GAN: variants seen among roughly 807,000 people sequenced by gnomAD.
The protein encoded by GAN is epididymis secretory sperm binding protein.
GAN carries 48 observed loss-of-function variants against 71.3 expected under a neutral mutation model. The observed-to-expected ratio is 0.67, with a 90% CI of 0.53 to 0.86. GAN has a LOEUF of 0.86. GAN is among the 40% of genes least tolerant of loss of function. The pLI is 0.00. For synonymous variants in GAN, 386 were observed against 276.8 expected (o/e 1.39, Z -3.92); for missense variants, 928 against 770.1 (o/e 1.21, Z -2.43).
chr16:81,379,492 G>A lies in GAN; in HGVS notation c.*1896G>A, dbSNP rs886087416. 3.9e-5 allele frequency: 6 copies of A among 152,212 alleles called. No individual in the cohort carries two copies. Among genetic ancestry groups the A allele is most frequent in the African/African-American group, 1.4e-4 (6 of 41,454 alleles). The allele number at this position is 152,212 out of a possible 1,614,324, so 9.4% of individuals were successfully genotyped here. On this transcript the variant is annotated 3_prime_UTR_variant, in exon 11 of 11. Transcript: ENST00000648994. ...GTCAGTCAAAACCAAATTCAGAATT[G>A]TTTTGTGTACCAGTCAGCTGTTGTC...
At position 81,378,883 on chromosome 16, in the gene GAN, G is replaced by T. The variant is rs554187855; in HGVS notation, c.*1287G>T. 5.9e-5 allele frequency: 9 copies of T among 152,644 alleles called. No homozygotes were observed. In the South Asian group the frequency reaches 1.9e-3, roughly 32 times the overall value. 9.5% of individuals were successfully genotyped at this position (152,644 alleles called of 1,614,324 possible). ...GTCTTTCGTTCGTGGAACGTATCTT[G>T]TAAGATATTTTGTTTTCCACTTGAA... On this transcript the variant is annotated 3_prime_UTR_variant, in exon 11 of 11. Transcript: ENST00000648994.
At chr16:81,345,416 A>G (rs1013116145) in intron 1 of GAN, among the ~76,000 whole-genome samples, 2 of 152,230 alleles carry the variant, frequency 1.3e-5, no homozygotes, top group Non-Finnish European at 2.9e-5. Context: ...CTATGCAGCC[A>G]TAAAAAAGGA....
chr16:81,341,141 A>G (rs1024378908), intron 1 of GAN, among the ~76,000 whole-genome samples: 1 of 152,186 alleles, frequency 6.6e-6, no homozygotes, highest in African/African-American at 2.4e-5. Flanking sequence ...ATATGGGACT[A>G]TGTGAAAAGA....
chr16:81,377,659 G>T lies in GAN; in HGVS notation c.*63G>T. 1 of 1,433,662 alleles carries T rather than the reference G, an allele frequency of 7.0e-7. No individual in the cohort carries two copies. The highest frequency in any genetic ancestry group is 1.1e-5 in the South Asian group (1 of 87,182). The allele number at this position is 1,433,662 out of a possible 1,614,324, so 88.8% of individuals were successfully genotyped here. ...AGCACCATAACATAGCTCCGAAAGG[G>T]AGAGCAGAGATGGCAGCTGAAACTC... On this transcript the variant is annotated 3_prime_UTR_variant, in exon 11 of 11. Coordinates refer to ENST00000648994, the MANE Select transcript of GAN (RefSeq NM_022041.4).
At chr16:81,375,956 AGAGTAAGACC>A (rs1266431873) in intron 9 of GAN, among the ~76,000 whole-genome samples, 1 of 149,260 alleles carries the variant, frequency 6.7e-6, no homozygotes. Flanking sequence ...GATGAGTGAC[AGAGTAAGACC>A]CTGTCTCAAA....
rs1303871857 is a variant in GAN, at chr16:81,389,079, T to C, written c.*11483T>C. On this transcript the variant is annotated 3_prime_UTR_variant, in exon 11 of 11. Coordinates refer to ENST00000648994, the MANE Select transcript of GAN (RefSeq NM_022041.4). ...ATTTGTGTGGGTGATAACATCTTTT[T>C]CCTAGATCGTACCTCAAAATTCAGG... is the stretch of plus-strand genomic sequence containing the variant. The C allele has an allele frequency of 6.6e-6, 1 of 152,192 alleles. No homozygotes were observed. Among genetic ancestry groups the C allele is most frequent in the African/African-American group, 2.4e-5 (1 of 41,460 alleles). The allele number at this position is 152,192 out of a possible 1,614,324, so 9.4% of individuals were successfully genotyped here.
Position 81,363,839 on chromosome 16 carries a change from AT to A in GAN, c.1136del (p.Leu379TrpfsTer10). 1 of 1,612,874 alleles carries A rather than the reference AT, an allele frequency of 6.2e-7. No individual in the cohort carries two copies. On this transcript the variant is annotated frameshift_variant, in exon 7 of 11. Transcript: ENST00000648994. LOFTEE classifies it high-confidence loss of function. Reference sequence around the variant, plus strand: ...TGTGGAGATAGATGGGATGCTGTACATTTTGGGAGGAGAGGATGGTGAAAAG... The same window carrying A: ...TGTGGAGATAGATGGGATGCTGTACATTTGGGAGGAGAGGATGGTGAAAAG... The part of the protein sequence containing the change: ...GIVEIDGMLY[I>X]LGGEDGEKEL...
At chr16:81,327,182 G>A (rs370809842) in intron 1 of GAN, among the ~76,000 whole-genome samples, 2 of 152,364 alleles carry the variant, frequency 1.3e-5, no homozygotes, top group East Asian at 3.9e-4. Flanking sequence ...TCTGATGAGA[G>A]AGCGTTTTGT....
chr16:81,387,818 AAAAAAAT>A lies in GAN; in HGVS notation c.*10230_*10236del, dbSNP rs1904447795. 6.6e-6 allele frequency: 1 copy of A among 151,954 alleles called. No individual in the cohort carries two copies. The highest frequency in any genetic ancestry group is 3.4e-3 in the Middle Eastern group (1 of 296). 9.4% of individuals were successfully genotyped at this position (151,954 alleles called of 1,614,324 possible). On this transcript the variant is annotated 3_prime_UTR_variant, in exon 11 of 11. Transcript: ENST00000648994. ...GCGACAGAGGGGGACTCTGTCTCAC[AAAAAAAT>A]AAAAAATTAAAAAAAAAGGTCTGCT...
In GAN at chr16:81,354,346, A is replaced by C. The variant is rs1034439484; in HGVS notation, c.283-59A>C. 2.9e-6 allele frequency: 3 copies of C among 1,018,988 alleles called. No homozygotes were observed. In the Admixed American group the frequency reaches 5.1e-5, roughly 17 times the overall value. 63.1% of individuals were successfully genotyped at this position (1,018,988 alleles called of 1,614,324 possible). A position where few individuals can be genotyped will look rare whatever the true frequency, so the allele number is the denominator to read the frequency against. The stretch of plus-strand genomic sequence containing the variant: ...TTCATGTGGCCCCAATTAATAGGTT[A>C]GTGGTTTGGGTTTTAAATGTACACA... On this transcript the variant is annotated intron_variant, in intron 2 of 10. Coordinates refer to ENST00000648994, the MANE Select transcript of GAN (RefSeq NM_022041.4).
chr16:81,328,174 C>T (rs189045916), intron 1 of GAN, among the ~76,000 whole-genome samples: 4 of 152,364 alleles, frequency 2.6e-5, no homozygotes. Flanking sequence ...AATCTATACA[C>T]ACAAAAAATT....
chr16:81,362,646 T>A, intron 6 of GAN, 35 bp downstream of exon 6: 1 of 1,068,228 alleles, frequency 9.4e-7, no homozygotes, highest in Non-Finnish European at 1.5e-6. Context: ...TTTGATGTGT[T>A]TCTCTTTCCC....
intron 1 of GAN, among the ~76,000 whole-genome samples, chr16:81,349,513 G>A (rs1289714569): frequency 6.6e-6 from 1 of 152,130 alleles, no homozygotes; most frequent in Non-Finnish European, 1.5e-5. Context: ...GTGTGGTGGT[G>A]TGAGCCTGTA....
Position 81,337,525 on chromosome 16 carries a change from T to C in GAN, c.168-14058T>C, listed in dbSNP as rs558362735. On this transcript the variant is annotated intron_variant, in intron 1 of 10. Coordinates refer to ENST00000648994, the MANE Select transcript of GAN (RefSeq NM_022041.4). The stretch of plus-strand genomic sequence containing the variant: ...TCTTGGAAGACGATGACCAGGCCTA[T>C]TACCTGGGTGGTTTGTTGTGGCTTT... Among the ~76,000 whole-genome samples, 5 of 152,330 alleles carry C rather than the reference T, an allele frequency of 3.3e-5. No homozygotes were observed. The East Asian group carries it at 9.6e-4, about 29-fold the overall frequency.
rs1187155073 is a variant in GAN at position 81,388,274 on chromosome 16, GT to G, written c.*10680del. 1 of 152,454 alleles carries G rather than the reference GT, an allele frequency of 6.6e-6. No homozygotes were observed. Among genetic ancestry groups the G allele is most frequent in the African/African-American group, 2.4e-5 (1 of 41,452 alleles). 9.4% of individuals were successfully genotyped at this position (152,454 alleles called of 1,614,324 possible). ...AAATAAAAAGGAAAAGAAAGGTGCA[GT>G]TGGGGCGGGTTGTTGGGGGCGAGGA... On this transcript the variant is annotated 3_prime_UTR_variant, in exon 11 of 11. Transcript: ENST00000648994.
At position 81,384,942 on chromosome 16, in the gene GAN, G is replaced by C. The variant is rs562217811; in HGVS notation, c.*7346G>C. 8.4e-5 allele frequency: 13 copies of C among 154,330 alleles called. No individual in the cohort carries two copies. Among genetic ancestry groups the C allele is most frequent in the Admixed American group, 7.8e-4 (12 of 15,290 alleles). 9.6% of individuals were successfully genotyped at this position (154,330 alleles called of 1,614,324 possible). ...TCTTGTAATAATGGCCCAGTTTCAG[G>C]GCACAGTTGTACACATTCTACTTAA... On this transcript the variant is annotated 3_prime_UTR_variant, in exon 11 of 11. Transcript: ENST00000648994.
At position 81,365,399 on chromosome 16, in the gene GAN, G is replaced by A. The variant is rs1316091061; in HGVS notation, c.1423G>A (p.Gly475Arg). The A allele has an allele frequency of 2.5e-6, 4 of 1,613,696 alleles. No homozygotes were observed. Among genetic ancestry groups the A allele is most frequent in the East Asian group, 2.2e-5 (1 of 44,860 alleles). Residue 475 changes from glycine (G) to arginine (R), a missense_variant, in exon 9 of 11, where the codon GGA becomes AGA. Coordinates refer to ENST00000648994, the MANE Select transcript of GAN (RefSeq NM_022041.4). Reference sequence around the variant, plus strand: ...TGCTATGGAGCTGTATGTGTTTGGGGGAGTCCGAAGTCGTGAGGACGCCCA... The same window carrying A: ...TGCTATGGAGCTGTATGTGTTTGGGAGAGTCCGAAGTCGTGAGGACGCCCA... ...GVAMELYVFG[G>R]VRSREDAQGS...
rs185343495 is a variant in GAN, at chr16:81,362,274, G to T, written c.974-225G>T. On this transcript the variant is annotated intron_variant, in intron 5 of 10. Coordinates refer to ENST00000648994, the MANE Select transcript of GAN (RefSeq NM_022041.4). ...GCCAGGCTTCCTTTTTCATTGTAGGGTGGTGGAAATCCCCTCAAAGACAGT... is the reference window on the plus strand; with the variant it reads ...GCCAGGCTTCCTTTTTCATTGTAGGTTGGTGGAAATCCCCTCAAAGACAGT... Among the ~76,000 whole-genome samples the T allele has an allele frequency of 2.5e-3, 383 of 152,280 alleles. 4 individuals are homozygous for T. Among genetic ancestry groups the T allele is most frequent in the Non-Finnish European group, 5.7e-4 (39 of 68,020 alleles).
chr16:81,373,218 G>C (rs543300393), intron 9 of GAN, among the ~76,000 whole-genome samples: 2 of 152,340 alleles, frequency 1.3e-5, no homozygotes, highest in East Asian at 1.9e-4. Context: ...ATAGAGTAGG[G>C]ATGATGGAGT....
Sources: gnomAD v4.1 joint callset for allele counts (sites outside exome capture counted in the v4.1 genomes callset) on GRCh38, gnomAD v4.1.1 for gene constraint, MANE v1.5 for transcripts, NCBI Gene and HGNC (gene_info 2026-07-23, HGNC 2026-07-21) for gene names.